Variants in RSRP1 observed in about 807,000 individuals in gnomAD.
The protein encoded by RSRP1 is arginine and serine rich protein 1.
A neutral mutation model predicts 33.0 loss-of-function variants in RSRP1; 37 were observed. That is an observed-to-expected ratio of 1.12 (90% CI 0.86 to 1.48). The LOEUF (loss-of-function observed/expected upper bound fraction) is 1.48. RSRP1 is among the 40% of genes most tolerant of loss of function. The pLI, the probability that RSRP1 is intolerant of heterozygous loss-of-function variation, is 0.00. For synonymous variants in RSRP1, 167 were observed against 158.7 expected (o/e 1.05, Z -0.40); for missense variants, 402 against 385.3 (o/e 1.04, Z -0.36).
Position 25,282,586 on chromosome 1 carries a change from G to A in RSRP1, c.-66-35557C>T, listed in dbSNP as rs117034437. On this transcript the variant is annotated intron_variant, in intron 1 of 1. Transcript: ENST00000561867. ...AATGATAGAGCTGGGATCGAACAGA[G>A]CCATGTGAACTCAAAACCTATGCTT... Among the ~76,000 whole-genome samples, 51 of 132,580 alleles carry A rather than the reference G, an allele frequency of 3.8e-4. 3 individuals are homozygous for A. The East Asian group carries it at 1.0e-2, about 26-fold the overall frequency. The allele number at this position is 132,580 out of a possible 152,430, so 87.0% of individuals were successfully genotyped here.
chr1:25,298,040 A>G (rs912815697), intron 1 of RSRP1, among the ~76,000 whole-genome samples: 1 of 123,386 alleles, frequency 8.1e-6, no homozygotes, highest in African/African-American at 2.7e-5. Context: ...CCACCCACCC[A>G]TCCACCTCCA....
rs570864661 is a variant in RSRP1, at chr1:25,294,168, A to G, written c.-67+43810T>C. On this transcript the variant is annotated intron_variant, in intron 1 of 1. Transcript: ENST00000561867. ...CAAAGTAGGAAGTCAAAAAGGTCAG[A>G]GCTTCCACAGCATGGCAACAGCTTT... 2.1e-4 allele frequency: 154 copies of G among 750,184 alleles called. 11 individuals carry two copies. The East Asian group carries it at 3.6e-3, about 18-fold the overall frequency. 46.5% of individuals were successfully genotyped at this position (750,184 alleles called of 1,614,324 possible).
chr1:25,323,568 TC>T (rs1644828241), intron 1 of RSRP1, among the ~76,000 whole-genome samples: 1 of 125,452 alleles, frequency 8.0e-6, no homozygotes, highest in Admixed American at 8.0e-5. Context: ...CAGGAGATCC[TC>T]CCCCCTCAGC....
chr1:25,244,843 C>G, intron 3 of RSRP1: 8 of 1,005,526 alleles, frequency 8.0e-6, no homozygotes, highest in Middle Eastern at 4.2e-4. Flanking sequence ...ACCACCATGC[C>G]TGGCTAATTT....
In RSRP1 at chr1:25,310,842, G is replaced by A. The variant is rs192133669; in HGVS notation, c.-67+27136C>T. ...CAAAAAATTAGCTGGGCGTGGTGGC[G>A]CACACCTGTAATCTCAGCTACTCAG... On this transcript the variant is annotated intron_variant, in intron 1 of 1. Coordinates refer to the RSRP1 transcript ENST00000561867. 1.2e-4 allele frequency among the ~76,000 whole-genome samples: 16 copies of A among 131,432 alleles called. 6 individuals carry two copies. The highest frequency in any genetic ancestry group is 4.6e-4 in the South Asian group (2 of 4,308). 86.2% of individuals were successfully genotyped at this position (131,432 alleles called of 152,430 possible).
chr1:25,312,619 A>G (rs188717557), intron 1 of RSRP1, among the ~76,000 whole-genome samples: 2 of 129,446 alleles, frequency 1.5e-5, no homozygotes, highest in Admixed American at 1.5e-4. Context: ...GTATTGTGGC[A>G]TATACCTGTA....
intron 1 of RSRP1, among the ~76,000 whole-genome samples, chr1:25,331,734 ATTT>A (rs71014355): frequency 1.4e-4 from 6 of 43,188 alleles, no homozygotes; most frequent in South Asian, 9.0e-4. Flanking sequence ...TGCCCAGCTA[ATTT>A]TTTTTTTTTT....
At chr1:25,261,391 A>T (rs1640141325) in intron 1 of RSRP1, among the ~76,000 whole-genome samples, 1 of 152,022 alleles carries the variant, frequency 6.6e-6, no homozygotes, top group African/African-American at 2.4e-5. Context: ...GCTCTGAGAA[A>T]AATGTGATTT....
At chr1:25,273,727 A>G (rs1231952331) in intron 1 of RSRP1, among the ~76,000 whole-genome samples, 1 of 128,528 alleles carries the variant, frequency 7.8e-6, no homozygotes, top group Non-Finnish European at 1.8e-5. Flanking sequence ...AATGAGTTTC[A>G]GGCATCTCAG....
intron 3 of RSRP1, 104 bp from the exon 4 acceptor site, chr1:25,243,737 CA>C: frequency 6.7e-7 from 1 of 1,484,968 alleles, no homozygotes; most frequent in Non-Finnish European, 9.0e-7. Context: ...GCTGTAGACA[CA>C]AAAATCAACT....
chr1:25,307,358 C>T (rs1327311780), intron 1 of RSRP1, among the ~76,000 whole-genome samples: 1 of 131,212 alleles, frequency 7.6e-6, no homozygotes, highest in African/African-American at 2.6e-5. Flanking sequence ...CACACCAGAG[C>T]CCTAGCCATT....
intron 3 of RSRP1, chr1:25,243,900 A>G (rs1010912072): frequency 3.6e-5 from 43 of 1,205,758 alleles, no homozygotes; most frequent in Non-Finnish European, 4.1e-5. Flanking sequence ...AGGTTGAATC[A>G]AGTTCACTTT....
In RSRP1 at chr1:25,243,805, TTAATATTAGGCTTAAGACAC is replaced by T. The variant is rs1639110617; in HGVS notation, c.673-192_673-173del. Reference sequence around the variant, plus strand: ...GAGTTTTCCCCTTAACAAAACTGATTTAATATTAGGCTTAAGACACTCTTCCCATAATTATTTTACTTCCC... The same window carrying T: ...GAGTTTTCCCCTTAACAAAACTGATTTCTTCCCATAATTATTTTACTTCCC... On this transcript the variant is annotated intron_variant, in intron 3 of 4. Transcript: ENST00000243189. 4 of 1,362,488 alleles carry T rather than the reference TTAATATTAGGCTTAAGACAC, an allele frequency of 2.9e-6. No homozygotes were observed. The East Asian group carries it at 1.1e-4, about 38-fold the overall frequency. The allele number at this position is 1,362,488 out of a possible 1,614,324, so 84.4% of individuals were successfully genotyped here. A position where few individuals can be genotyped will look rare whatever the true frequency, so the allele number is the denominator to read the frequency against.
intron 1 of RSRP1, among the ~76,000 whole-genome samples, chr1:25,280,356 A>G (rs1472585645): frequency 8.3e-6 from 1 of 120,148 alleles, no homozygotes; most frequent in African/African-American, 2.9e-5. Context: ...TCCAGGCTGG[A>G]GTACAGTGGT....
At chr1:25,335,797 CTT>C (rs1439327972) in intron 1 of RSRP1, 1 of 94,562 alleles carries the variant, frequency 1.1e-5, no homozygotes, top group Non-Finnish European at 2.5e-5. Flanking sequence ...GTAATCCACA[CTT>C]GTTTTTTTTT....
chr1:25,289,549 T>G (rs1290723317), intron 1 of RSRP1, among the ~76,000 whole-genome samples: 1 of 130,122 alleles, frequency 7.7e-6, no homozygotes, highest in East Asian at 2.0e-4. Context: ...TTTTACAAAA[T>G]GCTCTTATAA....
intron 1 of RSRP1, among the ~76,000 whole-genome samples, chr1:25,292,430 G>T (rs1183398334): frequency 7.6e-6 from 1 of 132,368 alleles, no homozygotes; most frequent in African/African-American, 2.6e-5. Context: ...GATGGGAAGT[G>T]GTTGGATCCT....
intron 1 of RSRP1, among the ~76,000 whole-genome samples, chr1:25,260,418 C>A (rs1197100886): frequency 2.0e-5 from 3 of 152,178 alleles, no homozygotes; most frequent in Admixed American, 2.0e-4. Context: ...TACAAACTCA[C>A]ATAATTTTAC....
In RSRP1 at chr1:25,268,534, A is replaced by G. The variant is rs148017678; in HGVS notation, c.-66-21505T>C. Among the ~76,000 whole-genome samples, 776 of 131,336 alleles carry G rather than the reference A, an allele frequency of 5.9e-3. 193 individuals are homozygous for G. Among genetic ancestry groups the G allele is most frequent in the Middle Eastern group, 0.045 (11 of 246 alleles). The allele number at this position is 131,336 out of a possible 152,430, so 86.2% of individuals were successfully genotyped here. On this transcript the variant is annotated intron_variant, in intron 1 of 1. Transcript: ENST00000561867. ...CCGTCTAAAAAAAAAACCTAAATAC[A>G]CAAGTAAAAATATAGACCTCGTCAG...
Sources: gnomAD v4.1 joint callset for allele counts (sites outside exome capture counted in the v4.1 genomes callset) on GRCh38, gnomAD v4.1.1 for gene constraint, MANE v1.5 for transcripts, NCBI Gene and HGNC (gene_info 2026-07-23, HGNC 2026-07-21) for gene names.